Variants in GLT6D1 observed in about 807,000 individuals in gnomAD.
GLT6D1 encodes glycosyltransferase 6 domain containing 1.
In GLT6D1, 9 loss-of-function variants were observed where a neutral mutation model predicts 12.3. The ratio of observed to expected loss-of-function variants is 0.73; its 90% CI spans 0.44 to 1.27. The LOEUF is 1.27. Ranked by LOEUF, GLT6D1 falls within the 50% of genes most tolerant of loss-of-function variation. The pLI is 0.00. For missense variants in GLT6D1, 335 were observed against 346.2 expected (o/e 0.97, Z 0.26); for synonymous variants, 128 against 132.3 (o/e 0.97, Z 0.23).
chr9:135,624,986 C>T (rs1833474673), intron 4 of GLT6D1, among the ~76,000 whole-genome samples: 1 of 151,248 alleles, frequency 6.6e-6, no homozygotes, highest in African/African-American at 2.4e-5. Context: ...TCAGGTGATC[C>T]CACCCACCTC....
At chr9:135,632,286 T>C (rs2891660) in intron 2 of GLT6D1, among the ~76,000 whole-genome samples, 148,626 of 152,114 alleles carry the variant, frequency 0.98, 72,706 homozygotes, top group East Asian at 1. Flanking sequence ...GGGTGTGCCA[T>C]CACACCCGGC....
chr9:135,634,134 T>G (rs1833712113), intron 2 of GLT6D1, among the ~76,000 whole-genome samples: 1 of 152,182 alleles, frequency 6.6e-6, no homozygotes, highest in Non-Finnish European at 1.5e-5. Flanking sequence ...GTGGTCATTT[T>G]GTTTTGCTTT....
At chr9:135,635,691 C>T (rs116145509) in intron 2 of GLT6D1, among the ~76,000 whole-genome samples, 147 of 152,316 alleles carry the variant, frequency 9.7e-4, no homozygotes, top group African/African-American at 3.4e-3. Context: ...GTCCTTCCTC[C>T]GAGGCCCTCT....
intron 2 of GLT6D1, among the ~76,000 whole-genome samples, chr9:135,636,571 T>G (rs66474876): frequency 0.22 from 33,030 of 151,800 alleles, 3,976 homozygotes; most frequent in Middle Eastern, 0.35. Context: ...GTCCTGTGGG[T>G]TTTTTTTCAA....
intron 3 of GLT6D1, among the ~76,000 whole-genome samples, chr9:135,630,286 G>T (rs1333089025): frequency 6.6e-6 from 1 of 150,798 alleles, no homozygotes; most frequent in Non-Finnish European, 1.5e-5. Context: ...GGCGCCTGTA[G>T]TCCCAGCTAC....
intron 2 of GLT6D1, among the ~76,000 whole-genome samples, chr9:135,634,724 A>C (rs550532703): frequency 6.7e-6 from 1 of 149,794 alleles, no homozygotes; most frequent in African/African-American, 2.5e-5. Flanking sequence ...TTTTTTTTTC[A>C]GGATCCCACC....
chr9:135,637,586 G>A (rs10858145), intron 2 of GLT6D1, among the ~76,000 whole-genome samples: 32,219 of 151,814 alleles, frequency 0.21, 3,952 homozygotes, highest in South Asian at 0.31. Context: ...GGTGTTAGCC[G>A]TTCTAATGGG....
intron 2 of GLT6D1, among the ~76,000 whole-genome samples, chr9:135,633,060 A>G (rs1365583690): frequency 2.6e-5 from 4 of 152,074 alleles, no homozygotes; most frequent in Non-Finnish European, 4.4e-5. Flanking sequence ...CGTGCATTAC[A>G]TACAAATCAG....
chr9:135,635,408 C>T lies in GLT6D1; in HGVS notation c.71+3709G>A, dbSNP rs72768373. ...TGTCCGAATCTAGAACCATCCACTT[C>T]TCCAAGAAGCCTTGGTCGCTTTCCT... On this transcript the variant is annotated intron_variant, in intron 2 of 4. Transcript: ENST00000371763. 5.9e-3 allele frequency among the ~76,000 whole-genome samples: 893 copies of T among 152,326 alleles called. 4 individuals are homozygous for T. Among genetic ancestry groups the T allele is most frequent in the Non-Finnish European group, 9.3e-3 (631 of 68,038 alleles).
chr9:135,636,187 T>C (rs1010417481), intron 2 of GLT6D1, among the ~76,000 whole-genome samples: 4 of 152,096 alleles, frequency 2.6e-5, no homozygotes, highest in Non-Finnish European at 5.9e-5. Context: ...AAACCCCATA[T>C]CTACTAAAAA....
chr9:135,628,224 C>CA (rs1833561280), intron 3 of GLT6D1, among the ~76,000 whole-genome samples: 1 of 151,838 alleles, frequency 6.6e-6, no homozygotes. Flanking sequence ...TGTTGTTGTA[C>CA]TTTTGACTCA....
At chr9:135,631,720 T>C (rs1000710557) in intron 2 of GLT6D1, among the ~76,000 whole-genome samples, 1 of 151,560 alleles carries the variant, frequency 6.6e-6, no homozygotes, top group African/African-American at 2.4e-5. Flanking sequence ...GTATGAGTGT[T>C]GGGAGGAAGA....
chr9:135,636,380 C>T (rs779265250), intron 2 of GLT6D1, among the ~76,000 whole-genome samples: 2 of 151,982 alleles, frequency 1.3e-5, no homozygotes, highest in Non-Finnish European at 2.9e-5. Context: ...AAAAAAACTC[C>T]ACTCATTCCT....
intron 2 of GLT6D1, among the ~76,000 whole-genome samples, chr9:135,633,109 A>T (rs1006311071): frequency 1.3e-5 from 2 of 152,182 alleles, no homozygotes; most frequent in Non-Finnish European, 2.9e-5. Context: ...CAGGGATTAG[A>T]GCTGTCTTTG....
chr9:135,624,697 C>T, intron 4 of GLT6D1, 27 bp from the exon 5 acceptor site: 6 of 1,166,512 alleles, frequency 5.1e-6, no homozygotes, highest in South Asian at 3.9e-5. Flanking sequence ...GGGGAAGAAA[C>T]TTACTTTTCT....
At chr9:135,624,720 CTTTCTTTTT>C in intron 4 of GLT6D1, 50 bp from the exon 5 acceptor site, 3 of 820,504 alleles carry the variant, frequency 3.7e-6, no homozygotes, top group Non-Finnish European at 5.1e-6. Context: ...TTTTTCTTTT[CTTTCTTTTT>C]TTTTTTTTTT....
intron 4 of GLT6D1, 28 bp downstream of exon 4, chr9:135,626,041 A>T (rs1833506398): frequency 6.2e-7 from 1 of 1,610,150 alleles, no homozygotes; most frequent in Non-Finnish European, 8.5e-7. Context: ...TCCCAAAATA[A>T]AAAAGGGCAA....
intron 2 of GLT6D1, among the ~76,000 whole-genome samples, chr9:135,638,838 C>T (rs1833834063): frequency 6.6e-6 from 1 of 152,196 alleles, no homozygotes; most frequent in Non-Finnish European, 1.5e-5. Flanking sequence ...TAGATTATCT[C>T]TGCCAGCCTG....
chr9:135,631,386 G>A (rs1457630310), intron 3 of GLT6D1, 45 bp downstream of exon 3: 1 of 1,428,866 alleles, frequency 7.0e-7, no homozygotes, highest in Non-Finnish European at 9.9e-7. Context: ...TCCAATTGAA[G>A]TATATTGTTT....
Sources: gnomAD v4.1 joint callset for allele counts (sites outside exome capture counted in the v4.1 genomes callset) on GRCh38, gnomAD v4.1.1 for gene constraint, MANE v1.5 for transcripts, NCBI Gene and HGNC (gene_info 2026-07-23, HGNC 2026-07-21) for gene names.